The following ST18 variants were observed in gnomAD, a reference collection of about 807,000 sequenced individuals.
The protein encoded by ST18 is suppression of tumorigenicity 18 protein.
In ST18, 50 loss-of-function variants were observed where a neutral mutation model predicts 110.0. The observed-to-expected ratio is 0.45, with a 90% CI of 0.36 to 0.58. The LOEUF (loss-of-function observed/expected upper bound fraction) is 0.58, where lower values mean the gene tolerates loss of function less well. Among genes scored for constraint, ST18 ranks in the 20% least tolerant of loss-of-function variants. The probability of loss-of-function intolerance (pLI) is 0.00; values close to 1 mark genes in which losing one functional copy is unlikely to be tolerated. For missense variants in ST18, 1,306 were observed against 1,280.1 expected (o/e 1.02, Z -0.31); for synonymous variants, 461 against 452.4 (o/e 1.02, Z -0.24).
intron 22 of ST18, among the ~76,000 whole-genome samples, chr8:52,126,862 T>C (rs1044737621): frequency 1.4e-4 from 22 of 152,224 alleles, no homozygotes; most frequent in Admixed American, 9.2e-4. Flanking sequence ...TTTCTTTCCC[T>C]TAATGTCATC....
chr8:52,229,637 C>T (rs1451528836), intron 3 of ST18: 1 of 152,180 alleles, frequency 6.6e-6, no homozygotes, highest in Non-Finnish European at 1.5e-5. Context: ...ATAGGATAAT[C>T]TCAAAGGTCT....
chr8:52,112,636 A>T lies in ST18; in HGVS notation c.*562T>A, dbSNP rs1440729772. ...TCACCTTACCGCAAATTCATTTATA[A>T]ATACAAAAATCAGTGAAAGGTGGGG... On this transcript the variant is annotated 3_prime_UTR_variant, in exon 26 of 26. Coordinates refer to ENST00000689386, the MANE Select transcript of ST18 (RefSeq NM_001352837.2). 6.6e-6 allele frequency: 1 copy of T among 152,634 alleles called. No individual in the cohort carries two copies. Among genetic ancestry groups the T allele is most frequent in the Non-Finnish European group, 1.5e-5 (1 of 68,050 alleles). The allele number at this position is 152,634 out of a possible 1,614,324, so 9.5% of individuals were successfully genotyped here. A position where few individuals can be genotyped will look rare whatever the true frequency, so the allele number is the denominator to read the frequency against.
chr8:52,329,557 C>A (rs1330295434), intron 2 of ST18, among the ~76,000 whole-genome samples: 3 of 152,094 alleles, frequency 2.0e-5, no homozygotes, highest in Non-Finnish European at 2.9e-5. Context: ...GAGTTCAAGA[C>A]CAACATGGCC....
chr8:52,253,793 A>G (rs990768522), intron 2 of ST18, among the ~76,000 whole-genome samples: 3 of 152,122 alleles, frequency 2.0e-5, no homozygotes, highest in Admixed American at 6.6e-5. Flanking sequence ...AAAGTGTACT[A>G]AGTCTCATTT....
At chr8:52,169,425 A>G (rs1228593648) in intron 10 of ST18, among the ~76,000 whole-genome samples, 1 of 152,194 alleles carries the variant, frequency 6.6e-6, no homozygotes. Flanking sequence ...CTGTACTTAC[A>G]TTGCAACCTA....
rs200931792 is a variant in ST18 at position 52,242,872 on chromosome 8, CA to C, written c.-464-12796del. On this transcript the variant is annotated intron_variant, in intron 2 of 25. Transcript: ENST00000689386. ...GGGTGACAAGAGTGAGACTCTGCCTCAAAAAAAAAAAAAATGTACTTAGAAG... is the reference window on the plus strand; with the variant it reads ...GGGTGACAAGAGTGAGACTCTGCCTCAAAAAAAAAAAAATGTACTTAGAAG... Among the ~76,000 whole-genome samples, 986 of 128,798 alleles carry C rather than the reference CA, an allele frequency of 7.7e-3. 2 individuals are homozygous for C. The highest frequency in any genetic ancestry group is 9.4e-3 in the East Asian group (39 of 4,164). The allele number at this position is 128,798 out of a possible 152,430, so 84.5% of individuals were successfully genotyped here. A position where few individuals can be genotyped will look rare whatever the true frequency, so the allele number is the denominator to read the frequency against.
chr8:52,236,132 T>A (rs1055468127), intron 2 of ST18, among the ~76,000 whole-genome samples: 5 of 152,178 alleles, frequency 3.3e-5, no homozygotes, highest in East Asian at 3.8e-4. Context: ...CAGGTAAGCA[T>A]GAATCAGAGG....
At chr8:52,274,322 T>C (rs1001974526) in intron 2 of ST18, among the ~76,000 whole-genome samples, 10 of 152,138 alleles carry the variant, frequency 6.6e-5, no homozygotes, top group African/African-American at 2.2e-4. Context: ...GTTATGTAGA[T>C]AAAATGTTTT....
At chr8:52,235,293 G>A (rs563417117) in intron 2 of ST18, among the ~76,000 whole-genome samples, 4 of 152,150 alleles carry the variant, frequency 2.6e-5, no homozygotes, top group East Asian at 1.9e-4. Flanking sequence ...CCTGGTCTCC[G>A]AGTTCCCACA....
chr8:52,130,693 G>T (rs902170822), intron 22 of ST18, among the ~76,000 whole-genome samples: 2 of 152,194 alleles, frequency 1.3e-5, no homozygotes, highest in Non-Finnish European at 2.9e-5. Context: ...CACCTACAGA[G>T]TATGGGAGTA....
intron 2 of ST18, among the ~76,000 whole-genome samples, chr8:52,394,120 C>A (rs1033925690): frequency 4.6e-5 from 7 of 152,098 alleles, no homozygotes; most frequent in African/African-American, 1.7e-4. Context: ...GTCACACAGG[C>A]ACCATTCCCA....
At chr8:52,353,376 T>C (rs922162634) in intron 2 of ST18, among the ~76,000 whole-genome samples, 1 of 152,218 alleles carries the variant, frequency 6.6e-6, no homozygotes, top group African/African-American at 2.4e-5. Context: ...CAAATAATAT[T>C]TTTAACCACT....
In ST18 at chr8:52,205,555, T is replaced by A. The variant is rs138367455; in HGVS notation, c.86+6524A>T. 9.2e-3 allele frequency among the ~76,000 whole-genome samples: 1,394 copies of A among 152,258 alleles called. 23 individuals carry two copies. Among genetic ancestry groups the A allele is most frequent in the African/African-American group, 0.032 (1,316 of 41,554 alleles). ...GTCTGTTTTTTTAAAAAAATTTTTT[T>A]AATTTTAATTTTATTTGTATTTTAT... On this transcript the variant is annotated intron_variant, in intron 8 of 25. Transcript: ENST00000689386.
chr8:52,132,199 A>AT lies in ST18; in HGVS notation c.2445-21dup. On this transcript the variant is annotated intron_variant, in intron 21 of 25. Coordinates refer to ENST00000689386, the MANE Select transcript of ST18 (RefSeq NM_001352837.2). ...GGACATCTAGAGAGAAAGCAGAGACATTACCAGCCAGGAAGAAGGCAGTGA... is the reference window on the plus strand; with the variant it reads ...GGACATCTAGAGAGAAAGCAGAGACATTTACCAGCCAGGAAGAAGGCAGTGA... 1 of 1,595,040 alleles carries AT rather than the reference A, an allele frequency of 6.3e-7. No homozygotes were observed. Among genetic ancestry groups the AT allele is most frequent in the Admixed American group, 1.7e-5 (1 of 59,296 alleles).
chr8:52,170,716 C>A lies in ST18; in HGVS notation c.1069+1076G>T, dbSNP rs529629312. On this transcript the variant is annotated intron_variant, in intron 10 of 25. Coordinates refer to ENST00000689386, the MANE Select transcript of ST18 (RefSeq NM_001352837.2). ...CATTAATATTCTGTTCCCACTCCAA[C>A]CCTTGCAGGATGTTTGCATGGCATT... 2.6e-5 allele frequency among the ~76,000 whole-genome samples: 4 copies of A among 152,252 alleles called. No homozygotes were observed. In the South Asian group the frequency reaches 8.3e-4, roughly 32 times the overall value.
chr8:52,357,676 AATATATATATATATATATATATATATAT>A lies in ST18; in HGVS notation c.-465+51624_-465+51651del, dbSNP rs71252934. ...ACATAACAAATCCCCAAAATCTATA[AATATATATATATATATATATATATATAT>A]ATATATATATATATATATATATATA... On this transcript the variant is annotated intron_variant, in intron 2 of 25. Transcript: ENST00000689386. 4.0e-3 allele frequency among the ~76,000 whole-genome samples: 153 copies of A among 38,458 alleles called. 5 individuals are homozygous for A. The highest frequency in any genetic ancestry group is 8.1e-3 in the East Asian group (6 of 744). 25.2% of individuals were successfully genotyped at this position (38,458 alleles called of 152,430 possible).
chr8:52,127,441 T>G (rs1161355308), intron 22 of ST18, among the ~76,000 whole-genome samples: 1 of 152,236 alleles, frequency 6.6e-6, no homozygotes, highest in East Asian at 1.9e-4. Flanking sequence ...ATGGGAAGTT[T>G]GCATGTCTGT....
At chr8:52,181,689 AT>A (rs756574991) in intron 8 of ST18, among the ~76,000 whole-genome samples, 59 of 152,304 alleles carry the variant, frequency 3.9e-4, no homozygotes, top group Non-Finnish European at 7.6e-4. Flanking sequence ...ATATAACCAG[AT>A]GACTGTGGGA....
chr8:52,348,158 T>C (rs1313110270), intron 2 of ST18, among the ~76,000 whole-genome samples: 1 of 151,968 alleles, frequency 6.6e-6, no homozygotes, highest in African/African-American at 2.4e-5. Context: ...AGAGGAGAAA[T>C]AAGTATCACA....
Sources: gnomAD v4.1 joint callset for allele counts (sites outside exome capture counted in the v4.1 genomes callset) on GRCh38, gnomAD v4.1.1 for gene constraint, MANE v1.5 for transcripts, NCBI Gene and HGNC (gene_info 2026-07-23, HGNC 2026-07-21) for gene names.